The following PAICS variants were observed in gnomAD, a reference collection of about 807,000 sequenced individuals.
PAICS encodes bifunctional phosphoribosylaminoimidazole carboxylase/phosphoribosylaminoimidazole succinocarboxamide synthetase.
In PAICS, 33 loss-of-function variants were observed where a neutral mutation model predicts 53.7. That is an observed-to-expected ratio of 0.61 (90% CI 0.47 to 0.82). The LOEUF (loss-of-function observed/expected upper bound fraction) is 0.82. PAICS is among the 40% of genes least tolerant of loss of function. The pLI is 0.00. For missense variants in PAICS, 394 were observed against 494.1 expected (o/e 0.80, Z 1.92); for synonymous variants, 141 against 167.2 (o/e 0.84, Z 1.21).
At chr4:56,456,528 A>G (rs1719215441) in intron 8 of PAICS, among the ~76,000 whole-genome samples, 3 of 151,644 alleles carry the variant, frequency 2.0e-5, no homozygotes, top group Non-Finnish European at 2.9e-5. Context: ...CCCACCTCAA[A>G]CTCCCAAGTA....
chr4:56,453,730 G>A lies in PAICS; in HGVS notation c.1080G>A (p.Gln360=), dbSNP rs1286135459. The A allele has an allele frequency of 6.5e-7, 1 of 1,549,846 alleles. No individual in the cohort carries two copies. Among genetic ancestry groups the A allele is most frequent in the South Asian group, 1.2e-5 (1 of 83,976 alleles). The change falls in exon 8 of 9, where the codon CAG becomes CAA. Residue 360 remains glutamine, a synonymous_variant. Coordinates refer to ENST00000512576, the MANE Select transcript of PAICS (RefSeq NM_001079524.2). ...CPPLTPDWGV[Q]DVWSSLRLPS... ...CCCTCACACCAGACTGGGGAGTTCA[G>A]GATGTGTGGTCTTCTCTTCGACTAC... is the stretch of plus-strand genomic sequence containing the variant.
intron 8 of PAICS, 127 bp from the exon 9 acceptor site, chr4:56,459,245 A>G: frequency 1.8e-6 from 1 of 541,662 alleles, no homozygotes; most frequent in Non-Finnish European, 3.2e-6. Flanking sequence ...TCTACTTTAG[A>G]TTAGAATAAT....
intron 2 of PAICS, among the ~76,000 whole-genome samples, chr4:56,446,104 A>G (rs1188221823): frequency 6.6e-6 from 1 of 152,236 alleles, no homozygotes; most frequent in African/African-American, 2.4e-5. Flanking sequence ...TATCTGCCAT[A>G]AAATAGGCTC....
chr4:56,441,019 G>A (rs1205910043), intron 1 of PAICS, among the ~76,000 whole-genome samples: 1 of 152,170 alleles, frequency 6.6e-6, no homozygotes, highest in African/African-American at 2.4e-5. Flanking sequence ...AACTGTTAGT[G>A]AAGAGAAAGG....
At chr4:56,450,793 G>A (rs1488319752) in intron 6 of PAICS, 91 bp downstream of exon 6, 1 of 687,628 alleles carries the variant, frequency 1.5e-6, no homozygotes, top group African/African-American at 1.8e-5. Context: ...AGAGTATAGT[G>A]CTTTTCTTTT....
chr4:56,411,766 A>G, the PAICS span, among the ~76,000 whole-genome samples: 1 of 152,232 alleles, frequency 6.6e-6, no homozygotes, highest in African/African-American at 2.4e-5. Context: ...CTGCAAATAA[A>G]TTTAACACCT....
chr4:56,454,388 C>T (rs1719085130), intron 8 of PAICS, among the ~76,000 whole-genome samples: 1 of 152,106 alleles, frequency 6.6e-6, no homozygotes, highest in Admixed American at 6.5e-5. Flanking sequence ...GTTTAATCTA[C>T]CATTCTGCAA....
At chr4:56,411,644 ATTTC>A in the PAICS span, among the ~76,000 whole-genome samples, 19 of 152,224 alleles carry the variant, frequency 1.2e-4, no homozygotes, top group Admixed American at 1.2e-3. Flanking sequence ...TATAGATGCT[ATTTC>A]AAGAGCAGAA....
Position 56,439,489 on chromosome 4 carries a change from G to A in PAICS, c.17-2174G>A, listed in dbSNP as rs368247301. On this transcript the variant is annotated intron_variant, in intron 1 of 8. Coordinates refer to ENST00000512576, the MANE Select transcript of PAICS (RefSeq NM_001079524.2). ...TAACCTCAAGTGATCCGCCCGCCTC[G>A]GCCTCCCAAAGTGCTGGGATTACAG... Among the ~76,000 whole-genome samples the A allele has an allele frequency of 6.6e-5, 10 of 151,970 alleles. No homozygotes were observed. In the East Asian group the frequency reaches 9.7e-4, roughly 15 times the overall value.
chr4:56,419,300 G>C, the PAICS span, among the ~76,000 whole-genome samples: 9 of 151,862 alleles, frequency 5.9e-5, no homozygotes, highest in Non-Finnish European at 1.0e-4. Flanking sequence ...TTTATATATT[G>C]AACTTCCACT....
chr4:56,416,317 T>A, the PAICS span: 2 of 275,914 alleles, frequency 7.2e-6, no homozygotes, highest in Non-Finnish European at 1.1e-5. Context: ...TTATCAGTCA[T>A]GTTGTTTCTA....
the PAICS span, chr4:56,416,262 A>G: frequency 6.4e-6 from 1 of 155,902 alleles, no homozygotes; most frequent in Non-Finnish European, 1.4e-5. Flanking sequence ...TCTATCACAA[A>G]TCTGTTTTCA....
Position 56,460,128 on chromosome 4 carries a change from TCTC to T in PAICS, c.*593_*595del, listed in dbSNP as rs1719430937. ...TCTCAAACTCCTGAACCCTAGTAAT[TCTC>T]CTATCTCAGCCTCCCAAAGTGCTAG... On this transcript the variant is annotated 3_prime_UTR_variant, in exon 9 of 9. Transcript: ENST00000512576. 1 of 152,178 alleles carries T rather than the reference TCTC, an allele frequency of 6.6e-6. No individual in the cohort carries two copies. The highest frequency in any genetic ancestry group is 1.5e-5 in the Non-Finnish European group (1 of 68,196). 9.4% of individuals were successfully genotyped at this position (152,178 alleles called of 1,614,324 possible).
In PAICS at chr4:56,447,863, C is replaced by T. The variant is rs560994261; in HGVS notation, c.394-555C>T. 2.0e-5 allele frequency among the ~76,000 whole-genome samples: 3 copies of T among 152,050 alleles called. No homozygotes were observed. In the South Asian group the frequency reaches 6.2e-4, roughly 32 times the overall value. On this transcript the variant is annotated intron_variant, in intron 3 of 8. Transcript: ENST00000512576. ...ATAATTGCTTTGAATTAAGGAGTAT[C>T]GTAAACAAAAAATTTCTTTAGATGT...
At chr4:56,435,550 G>A, upstream of PAICS, 1 of 1,606,506 alleles carries the variant, frequency 6.2e-7, no homozygotes, top group Non-Finnish European at 8.5e-7. Context: ...TGCCAGCTCG[G>A]CCCGTCGAGC....
At chr4:56,419,928 T>G in the PAICS span, 7 of 984,184 alleles carry the variant, frequency 7.1e-6, no homozygotes, top group African/African-American at 1.0e-4. Flanking sequence ...TATGAAATTT[T>G]TTACTGAGTT....
chr4:56,446,705 T>G lies in PAICS; in HGVS notation c.225T>G (p.Thr75=). Residue 75 remains threonine, a synonymous_variant, in exon 3 of 9, where the codon ACT becomes ACG. Coordinates refer to ENST00000512576, the MANE Select transcript of PAICS (RefSeq NM_001079524.2). ...GTTATCAATATGTAGGTATTAAAAC[T>G]GCCTTCACCAGAAAATGTGGGGAGA... ...FQLLQEAGIK[T]AFTRKCGETA... is the part of the protein sequence containing the mutation. The G allele has an allele frequency of 6.3e-7, 1 of 1,593,826 alleles. No homozygotes were observed. Among genetic ancestry groups the G allele is most frequent in the South Asian group, 1.1e-5 (1 of 88,268 alleles).
At chr4:56,436,202 T>G, upstream of PAICS, 1 of 1,525,946 alleles carries the variant, frequency 6.6e-7, no homozygotes, top group Middle Eastern at 2.3e-4. Flanking sequence ...TGGCGCAGGG[T>G]CGCGCGGCCC....
upstream of PAICS, among the ~76,000 whole-genome samples, chr4:56,433,733 C>A (rs1196844303): frequency 6.7e-6 from 1 of 149,414 alleles, no homozygotes; most frequent in Non-Finnish European, 1.5e-5. Context: ...CTCGCTCTGT[C>A]GCCCAGGCTG....
Sources: gnomAD v4.1 joint callset for allele counts (sites outside exome capture counted in the v4.1 genomes callset) on GRCh38, gnomAD v4.1.1 for gene constraint, MANE v1.5 for transcripts, NCBI Gene and HGNC (gene_info 2026-07-23, HGNC 2026-07-21) for gene names.